The following CRK variants were observed in gnomAD, a reference collection of about 807,000 sequenced individuals.
CRK encodes adapter molecule crk.
CRK carries 4 observed loss-of-function variants against 29.8 expected under a neutral mutation model. That is an observed-to-expected ratio of 0.13 (90% CI 0.07 to 0.31). The LOEUF (loss-of-function observed/expected upper bound fraction) is 0.31. Ranked by LOEUF, CRK falls within the 10% of genes least tolerant of loss-of-function variation. The pLI, the probability that CRK is intolerant of heterozygous loss-of-function variation, is 1.00. For synonymous variants in CRK, 153 were observed against 164.9 expected (o/e 0.93, Z 0.55); for missense variants, 274 against 396.5 (o/e 0.69, Z 2.62).
intron 1 of CRK, among the ~76,000 whole-genome samples, chr17:1,437,525 A>C (rs1018265154): frequency 3.9e-5 from 6 of 152,166 alleles, no homozygotes; most frequent in Admixed American, 6.6e-5. Flanking sequence ...AAGGATGAGG[A>C]GGCCAGGAGA....
chr17:1,427,694 A>G (rs976250458), intron 2 of CRK, among the ~76,000 whole-genome samples: 5 of 151,802 alleles, frequency 3.3e-5, no homozygotes, highest in African/African-American at 1.2e-4. Flanking sequence ...CAGTGACGCT[A>G]TCTTGGCTCA....
chr17:1,448,813 G>A (rs553768870), intron 1 of CRK, among the ~76,000 whole-genome samples: 6 of 151,954 alleles, frequency 3.9e-5, no homozygotes, highest in South Asian at 2.1e-4. Flanking sequence ...AGGCAGGTGC[G>A]GTGGCTCACA....
intron 2 of CRK, among the ~76,000 whole-genome samples, chr17:1,430,085 C>G (rs1195134689): frequency 1.3e-5 from 2 of 150,596 alleles, no homozygotes; most frequent in Non-Finnish European, 2.9e-5. Flanking sequence ...GCTTTTGTTG[C>G]CCAGGCTGGA....
chr17:1,430,034 T>TA (rs2073823173), intron 2 of CRK, among the ~76,000 whole-genome samples: 1 of 150,352 alleles, frequency 6.7e-6, no homozygotes, highest in Non-Finnish European at 1.5e-5. Flanking sequence ...GGCTATGCCA[T>TA]AACTCAAATG....
chr17:1,431,526 C>G (rs1001562979), intron 2 of CRK, among the ~76,000 whole-genome samples: 2 of 151,978 alleles, frequency 1.3e-5, no homozygotes, highest in Non-Finnish European at 2.9e-5. Context: ...TCGAGACCAT[C>G]CTGGCTAACA....
intron 1 of CRK, among the ~76,000 whole-genome samples, chr17:1,450,089 C>G (rs2074005625): frequency 6.6e-6 from 1 of 152,090 alleles, no homozygotes; most frequent in African/African-American, 2.4e-5. Flanking sequence ...GTAATCCCAG[C>G]TACCTACTCA....
Position 1,423,331 on chromosome 17 carries a change from G to T in CRK, c.*182C>A. 1.3e-6 allele frequency: 1 copy of T among 761,846 alleles called. No individual in the cohort carries two copies. The highest frequency in any genetic ancestry group is 2.0e-6 in the Non-Finnish European group (1 of 494,902). The allele number at this position is 761,846 out of a possible 1,614,324, so 47.2% of individuals were successfully genotyped here. On this transcript the variant is annotated 3_prime_UTR_variant, in exon 3 of 3. Coordinates refer to ENST00000300574, the MANE Select transcript of CRK (RefSeq NM_016823.4). ...AGCTAACACACAAGCCCTCCAGTTCGTACCCTGAATATGGTAATTAAGACT... is the reference window on the plus strand; with the variant it reads ...AGCTAACACACAAGCCCTCCAGTTCTTACCCTGAATATGGTAATTAAGACT...
chr17:1,444,502 G>GTT (rs752689623), intron 1 of CRK, among the ~76,000 whole-genome samples: 46 of 149,012 alleles, frequency 3.1e-4, no homozygotes, highest in Non-Finnish European at 6.0e-4. Context: ...TCCAGCCTGG[G>GTT]TAACAGAGGG....
intron 2 of CRK, among the ~76,000 whole-genome samples, chr17:1,436,249 A>G (rs2073885299): frequency 6.6e-6 from 1 of 152,212 alleles, no homozygotes; most frequent in South Asian, 2.1e-4. Context: ...ACCACTTATT[A>G]CACTCAAATC....
intron 2 of CRK, among the ~76,000 whole-genome samples, chr17:1,427,902 G>A (rs926288579): frequency 1.3e-5 from 2 of 151,876 alleles, no homozygotes; most frequent in Non-Finnish European, 2.9e-5. Flanking sequence ...CAAAGTGCTG[G>A]AATTACAGGC....
chr17:1,443,133 G>C (rs572485504), intron 1 of CRK, among the ~76,000 whole-genome samples: 1 of 150,958 alleles, frequency 6.6e-6, no homozygotes, highest in South Asian at 2.1e-4. Context: ...CGGCCACCAC[G>C]ACACCAAGGT....
intron 1 of CRK, among the ~76,000 whole-genome samples, chr17:1,440,417 C>T (rs2073925471): frequency 6.6e-6 from 1 of 151,742 alleles, no homozygotes; most frequent in Non-Finnish European, 1.5e-5. Flanking sequence ...GAGCCATGAT[C>T]GTGTCAACGC....
intron 2 of CRK, 77 bp from the exon 3 acceptor site, chr17:1,423,727 C>T: frequency 6.4e-7 from 1 of 1,568,350 alleles, no homozygotes; most frequent in Middle Eastern, 1.7e-4. Flanking sequence ...TCTGGTTAGG[C>T]ACACCCTGCC....
At position 1,420,904 on chromosome 17, in the gene CRK, G is replaced by A. The variant is rs61762283; in HGVS notation, c.*2609C>T. The A allele has an allele frequency of 3.5e-3, 529 of 152,174 alleles. 5 individuals are homozygous for A. The highest frequency in any genetic ancestry group is 0.012 in the African/African-American group (494 of 41,526). The allele number at this position is 152,174 out of a possible 1,614,324, so 9.4% of individuals were successfully genotyped here. ...TATTTCAAACCATTAACAGTGAAAT[G>A]TTACTTGTGGATAATTAAAAATTAT... is the stretch of plus-strand genomic sequence containing the variant. On this transcript the variant is annotated 3_prime_UTR_variant, in exon 3 of 3. Transcript: ENST00000300574.
Position 1,436,661 on chromosome 17 carries a change from G to A in CRK, c.736C>T (p.Arg246Ter), listed in dbSNP as rs779528692. Reference protein sequence around the residue: ...GPIYARVIQKRVPNAYDKTAL... With the variant: ...GPIYARVIQK Reference sequence around the variant, plus strand: ...GTCTTGTCGTAGGCATTGGGGACTCGCTTCTGGATAACCCTGGCATATATG... The same window carrying A: ...GTCTTGTCGTAGGCATTGGGGACTCACTTCTGGATAACCCTGGCATATATG... Residue 246 changes from arginine (R) to a stop codon, truncating the protein, a stop_gained, in exon 2 of 3, where the codon CGA (arginine) becomes TGA (stop). Coordinates refer to ENST00000300574, the MANE Select transcript of CRK (RefSeq NM_016823.4). LOFTEE classifies it high-confidence loss of function. 5.6e-6 allele frequency: 9 copies of A among 1,611,840 alleles called. No homozygotes were observed. The highest frequency in any genetic ancestry group is 7.6e-6 in the Non-Finnish European group (9 of 1,179,238).
In CRK at chr17:1,420,745, C is replaced by T. The variant is rs1282229618; in HGVS notation, c.*2768G>A. 5 of 151,960 alleles carry T rather than the reference C, an allele frequency of 3.3e-5. No individual in the cohort carries two copies. The highest frequency in any genetic ancestry group is 1.2e-4 in the African/African-American group (5 of 41,386). The allele number at this position is 151,960 out of a possible 1,614,324, so 9.4% of individuals were successfully genotyped here. A position where few individuals can be genotyped will look rare whatever the true frequency, so the allele number is the denominator to read the frequency against. Reference sequence around the variant, plus strand: ...CATTTGGCCATATTTTTATTTACTACATATACTATAAACATATACAATACA... The same window carrying T: ...CATTTGGCCATATTTTTATTTACTATATATACTATAAACATATACAATACA... On this transcript the variant is annotated 3_prime_UTR_variant, in exon 3 of 3. Transcript: ENST00000300574.
rs2073882401 is a variant in CRK, at chr17:1,435,858, GAAAA to G, written c.777+758_777+761del. ...TTTACACTGAACCATCAATTCTTCT[GAAAA>G]GAAAGGAAGGGAGAGAGGGAGGAAG... is the stretch of plus-strand genomic sequence containing the variant. On this transcript the variant is annotated intron_variant, in intron 2 of 2. Transcript: ENST00000300574. 2.0e-5 allele frequency among the ~76,000 whole-genome samples: 3 copies of G among 152,050 alleles called. No individual in the cohort carries two copies. In the South Asian group the frequency reaches 6.2e-4, roughly 32 times the overall value.
At chr17:1,437,181 T>C in intron 1 of CRK, 26 bp from the exon 2 acceptor site, 1 of 1,561,596 alleles carries the variant, frequency 6.4e-7, no homozygotes. Context: ...CAGGCTGTTA[T>C]TTAATGATGT....
At chr17:1,450,488 G>C (rs1017622530) in intron 1 of CRK, among the ~76,000 whole-genome samples, 1 of 150,508 alleles carries the variant, frequency 6.6e-6, no homozygotes, top group Non-Finnish European at 1.5e-5. Flanking sequence ...GCCCGGCGTG[G>C]GCGACAGAGC....
Sources: allele counts gnomAD v4.1 joint callset (sites outside exome capture counted in the v4.1 genomes callset), GRCh38; gene constraint gnomAD v4.1.1; transcripts MANE v1.5; gene names NCBI Gene and HGNC (gene_info 2026-07-23, HGNC 2026-07-21).